DOCK2: variants seen among roughly 807,000 people sequenced by gnomAD.
The protein encoded by DOCK2 is dedicator of cytokinesis protein 2.
In DOCK2, 87 loss-of-function variants were observed where a neutral mutation model predicts 248.9. The ratio of observed to expected loss-of-function variants is 0.35; its 90% CI spans 0.29 to 0.42. The LOEUF is 0.42. DOCK2 is among the 10% of genes least tolerant of loss of function. The pLI, the probability that DOCK2 is intolerant of heterozygous loss-of-function variation, is 1.00. For missense variants in DOCK2, 1,747 were observed against 2,300.2 expected (o/e 0.76, Z 4.92); for synonymous variants, 805 against 821.6 (o/e 0.98, Z 0.35).
Position 169,959,633 on chromosome 5 carries a change from T to C in DOCK2, c.2800-23435T>C, listed in dbSNP as rs533472918. 3.3e-5 allele frequency among the ~76,000 whole-genome samples: 5 copies of C among 152,298 alleles called. No homozygotes were observed. The East Asian group carries it at 9.7e-4, about 29-fold the overall frequency. ...GGAATGCTTCACAGAGGATCATGCA[T>C]AAAGGTAAGTGTTGGACTAAAGGAC... On this transcript the variant is annotated intron_variant, in intron 27 of 51. Coordinates refer to ENST00000520908, the MANE Select transcript of DOCK2 (RefSeq NM_004946.3).
chr5:169,894,660 G>A (rs1033801846), intron 27 of DOCK2, among the ~76,000 whole-genome samples: 4 of 152,188 alleles, frequency 2.6e-5, no homozygotes, highest in African/African-American at 4.8e-5. Context: ...CCATTAAAGA[G>A]CCCACTCTTC....
At chr5:169,811,583 G>T (rs565328950) in intron 26 of DOCK2, among the ~76,000 whole-genome samples, 11 of 152,160 alleles carry the variant, frequency 7.2e-5, no homozygotes, top group Non-Finnish European at 1.5e-4. Context: ...TCTGGCTTCC[G>T]TGGAGTTAGA....
chr5:169,865,530 T>C (rs1236593533), intron 27 of DOCK2, among the ~76,000 whole-genome samples: 1 of 152,216 alleles, frequency 6.6e-6, no homozygotes, highest in East Asian at 1.9e-4. Context: ...GGGTTCCCTC[T>C]GTCCTTAATT....
At chr5:169,838,933 T>G (rs1284770425) in intron 26 of DOCK2, among the ~76,000 whole-genome samples, 1 of 152,216 alleles carries the variant, frequency 6.6e-6, no homozygotes, top group Non-Finnish European at 1.5e-5. Context: ...GCACATCTTC[T>G]TTCTTTTTCT....
intron 27 of DOCK2, among the ~76,000 whole-genome samples, chr5:169,862,202 T>C (rs10866641): frequency 0.34 from 51,849 of 152,122 alleles, 10,337 homozygotes; most frequent in Admixed American, 0.44. Context: ...CATATGTTCT[T>C]ATCTGTATTC....
chr5:169,686,007 A>G (rs905316214), intron 8 of DOCK2, among the ~76,000 whole-genome samples: 3 of 152,178 alleles, frequency 2.0e-5, no homozygotes, highest in African/African-American at 7.2e-5. Flanking sequence ...AATTTTTATT[A>G]TGCACCAAAG....
At chr5:170,007,980 G>A (rs1312703964) in intron 30 of DOCK2, among the ~76,000 whole-genome samples, 1 of 152,130 alleles carries the variant, frequency 6.6e-6, no homozygotes, top group African/African-American at 2.4e-5. Context: ...CAACTAAGGG[G>A]AAAGTAAAGG....
chr5:169,827,091 C>A (rs1396762695), intron 26 of DOCK2, among the ~76,000 whole-genome samples: 1 of 152,060 alleles, frequency 6.6e-6, no homozygotes, highest in Non-Finnish European at 1.5e-5. Context: ...AGTCTCATCA[C>A]CAGAGACTTA....
At chr5:170,056,900 C>A in intron 43 of DOCK2, 132 bp downstream of exon 43, 1 of 751,182 alleles carries the variant, frequency 1.3e-6, no homozygotes, top group Non-Finnish European at 2.2e-6. Flanking sequence ...CCATGGATAC[C>A]ATGACGTCCG....
intron 2 of DOCK2, among the ~76,000 whole-genome samples, chr5:169,667,900 A>T (rs1259831234): frequency 6.6e-6 from 1 of 152,248 alleles, no homozygotes; most frequent in African/African-American, 2.4e-5. Flanking sequence ...CATGAAGTAG[A>T]ACATCTTCCA....
chr5:169,934,795 A>G, intron 27 of DOCK2: 2 of 446,432 alleles, frequency 4.5e-6, no homozygotes, highest in South Asian at 3.2e-5. Context: ...TGTTAGTTTC[A>G]TTATTATCTG....
At chr5:169,852,440 G>T (rs1456363184) in intron 27 of DOCK2, among the ~76,000 whole-genome samples, 2 of 152,200 alleles carry the variant, frequency 1.3e-5, no homozygotes, top group Admixed American at 6.5e-5. Context: ...CTGGGGACAA[G>T]CTATGTGGTT....
At chr5:169,760,252 T>C (rs1190919814) in intron 24 of DOCK2, among the ~76,000 whole-genome samples, 3 of 151,140 alleles carry the variant, frequency 2.0e-5, no homozygotes, top group African/African-American at 7.2e-5. Flanking sequence ...AATAGGGGCA[T>C]TTCAATCAGA....
intron 9 of DOCK2, among the ~76,000 whole-genome samples, chr5:169,692,960 G>T (rs1296697654): frequency 6.6e-6 from 1 of 151,420 alleles, no homozygotes; most frequent in Non-Finnish European, 1.5e-5. Context: ...TCCAAATGCA[G>T]TCATGTTGTG....
intron 27 of DOCK2, chr5:169,884,032 T>C (rs965623589): frequency 1.3e-6 from 1 of 773,890 alleles, no homozygotes; most frequent in Non-Finnish European, 1.9e-6. Flanking sequence ...TCCTCTCCTC[T>C]TAGTATGGGA....
chr5:169,845,005 G>T (rs1249438671), intron 27 of DOCK2, among the ~76,000 whole-genome samples: 3 of 151,772 alleles, frequency 2.0e-5, no homozygotes, highest in Non-Finnish European at 4.4e-5. Context: ...GTTAGGCATG[G>T]TCTGTGCCCT....
chr5:169,940,898 G>T (rs1307097825), intron 27 of DOCK2, among the ~76,000 whole-genome samples: 1 of 152,228 alleles, frequency 6.6e-6, no homozygotes, highest in East Asian at 1.9e-4. Context: ...GGTAAGGCCA[G>T]GAATGCTGCT....
chr5:169,843,692 A>G (rs1364131501), intron 27 of DOCK2, among the ~76,000 whole-genome samples: 1 of 152,148 alleles, frequency 6.6e-6, no homozygotes, highest in Non-Finnish European at 1.5e-5. Context: ...CCAAAGTTCC[A>G]TTTGCAGTCA....
chr5:169,778,352 A>G (rs932399229), intron 25 of DOCK2, among the ~76,000 whole-genome samples: 1 of 152,234 alleles, frequency 6.6e-6, no homozygotes, highest in African/African-American at 2.4e-5. Context: ...CACAGTGTTC[A>G]GTAGTGAGTA....
Sources: gnomAD v4.1 joint callset for allele counts (sites outside exome capture counted in the v4.1 genomes callset) on GRCh38, gnomAD v4.1.1 for gene constraint, MANE v1.5 for transcripts, NCBI Gene and HGNC (gene_info 2026-07-23, HGNC 2026-07-21) for gene names.